Variants in FRMD4B observed in about 807,000 individuals in gnomAD.
FRMD4B encodes FERM domain containing 4B.
In FRMD4B, 74 loss-of-function variants were observed where a neutral mutation model predicts 141.5. The ratio of observed to expected loss-of-function variants is 0.52; its 90% CI spans 0.43 to 0.63. The LOEUF is 0.63. Among genes scored for constraint, FRMD4B ranks in the 30% least tolerant of loss-of-function variants. The pLI is 0.00. For synonymous variants in FRMD4B, 506 were observed against 467.9 expected, an observed-to-expected ratio of 1.08 and a Z score of -1.05; for missense variants, 1,366 against 1,253.4, an observed-to-expected ratio of 1.09 and a Z score of -1.36.
At chr3:69,432,451 T>G (rs892866272) in intron 2 of FRMD4B, among the ~76,000 whole-genome samples, 1 of 152,184 alleles carries the variant, frequency 6.6e-6, no homozygotes, top group Non-Finnish European at 1.5e-5. Flanking sequence ...TTTATTAATT[T>G]TCTTCATCAT....
chr3:69,245,095 AT>A (rs1159785122), intron 7 of FRMD4B, among the ~76,000 whole-genome samples: 3 of 152,218 alleles, frequency 2.0e-5, no homozygotes, highest in Non-Finnish European at 4.4e-5. Context: ...TGCAATATTA[AT>A]TCATTTAATC....
intron 2 of FRMD4B, among the ~76,000 whole-genome samples, chr3:69,402,886 G>A (rs769430133): frequency 4.6e-5 from 7 of 152,204 alleles, no homozygotes; most frequent in Admixed American, 2.6e-4. Flanking sequence ...ACTGGATGGA[G>A]AGTGATTGAA....
At chr3:69,419,356 C>G (rs2106802728) in intron 2 of FRMD4B, among the ~76,000 whole-genome samples, 1 of 152,332 alleles carries the variant, frequency 6.6e-6, no homozygotes. Flanking sequence ...CTCTCAGCTC[C>G]CTTTCCTCAG....
intron 7 of FRMD4B, among the ~76,000 whole-genome samples, chr3:69,225,505 A>C (rs1433087166): frequency 1.0e-3 from 124 of 119,758 alleles, no homozygotes; most frequent in Admixed American, 1.3e-3. Flanking sequence ...GAAACCCTGT[A>C]TCTACTAAAA....
chr3:69,367,749 T>G (rs1242812453), intron 1 of FRMD4B, among the ~76,000 whole-genome samples: 1 of 152,228 alleles, frequency 6.6e-6, no homozygotes, highest in Non-Finnish European at 1.5e-5. Flanking sequence ...CTTTGCTATT[T>G]GAAATATGAA....
chr3:69,207,784 G>A (rs2093037846), intron 11 of FRMD4B, among the ~76,000 whole-genome samples: 1 of 151,648 alleles, frequency 6.6e-6, no homozygotes, highest in Non-Finnish European at 1.5e-5. Context: ...CTCCAGCCTG[G>A]TGACAGAGTG....
chr3:69,342,450 A>G (rs1702770236), intron 1 of FRMD4B, among the ~76,000 whole-genome samples: 1 of 152,220 alleles, frequency 6.6e-6, no homozygotes, highest in Non-Finnish European at 1.5e-5. Flanking sequence ...TGAACATTAC[A>G]GGCCCTGAAA....
chr3:69,425,286 G>A (rs1189920769), intron 2 of FRMD4B, among the ~76,000 whole-genome samples: 4 of 152,148 alleles, frequency 2.6e-5, no homozygotes, highest in Admixed American at 1.3e-4. Context: ...CATAAGAAAC[G>A]TGCATGGAGT....
chr3:69,465,688 G>A (rs994516949), intron 1 of FRMD4B, among the ~76,000 whole-genome samples: 3 of 152,094 alleles, frequency 2.0e-5, no homozygotes, highest in African/African-American at 7.2e-5. Flanking sequence ...ATGGTTTCCA[G>A]CTTCATCCAT....
At position 69,385,975 on chromosome 3, in the gene FRMD4B, G is replaced by C; in HGVS notation, c.15C>G (p.Phe5Leu). Residue 5 changes from phenylalanine (F) to leucine (L), a missense_variant, in exon 1 of 23, where the codon TTC (phenylalanine) becomes TTG (leucine). Phe to Leu is a conservative substitution (Grantham distance 22, BLOSUM62 0). Transcript: ENST00000398540. ...ACAGCAGGTCCTCCACGCCACACAT[G>C]AACACCGAAGCCATGCCTCCTCCTT... MASV[F>L]MCGVEDLLFS... is the part of the protein sequence containing the mutation. 1.9e-6 allele frequency: 3 copies of C among 1,599,222 alleles called. No homozygotes were observed. The highest frequency in any genetic ancestry group is 2.6e-6 in the Non-Finnish European group (3 of 1,172,594).
At chr3:69,189,658 G>C (rs1228308016) in intron 18 of FRMD4B, among the ~76,000 whole-genome samples, 1 of 152,160 alleles carries the variant, frequency 6.6e-6, no homozygotes, top group Non-Finnish European at 1.5e-5. Flanking sequence ...ATACTCCCGT[G>C]AGGGCATTCT....
chr3:69,355,886 G>A (rs1233353715), intron 1 of FRMD4B, among the ~76,000 whole-genome samples: 1 of 152,134 alleles, frequency 6.6e-6, no homozygotes, highest in Non-Finnish European at 1.5e-5. Flanking sequence ...TTAGCCAGGT[G>A]TGGTGGCCGG....
intron 5 of FRMD4B, among the ~76,000 whole-genome samples, chr3:69,280,984 G>A (rs777109836): frequency 1.3e-4 from 20 of 150,808 alleles, no homozygotes; most frequent in Non-Finnish European, 1.6e-4. Context: ...ATGCTGGAGT[G>A]CGATGGTGCG....
chr3:69,466,530 T>C (rs1218091623), intron 1 of FRMD4B, among the ~76,000 whole-genome samples: 1 of 152,124 alleles, frequency 6.6e-6, no homozygotes, highest in Non-Finnish European at 1.5e-5. Flanking sequence ...TTCAAAATAA[T>C]AAGGAGGGGA....
chr3:69,203,702 G>T (rs1193500394), intron 11 of FRMD4B, among the ~76,000 whole-genome samples: 1 of 152,196 alleles, frequency 6.6e-6, no homozygotes, highest in African/African-American at 2.4e-5. Context: ...TCAGAGAGTT[G>T]TCGGAAGGGA....
chr3:69,248,071 C>T (rs756911014), intron 7 of FRMD4B, among the ~76,000 whole-genome samples: 11 of 152,100 alleles, frequency 7.2e-5, no homozygotes, highest in African/African-American at 9.6e-5. Context: ...GGATTACAGG[C>T]GTGAGCCACC....
chr3:69,246,390 G>C (rs1266964764), intron 7 of FRMD4B, among the ~76,000 whole-genome samples: 1 of 152,134 alleles, frequency 6.6e-6, no homozygotes, highest in Admixed American at 6.5e-5. Flanking sequence ...AGGAGGTGGA[G>C]GTTATAGTGA....
chr3:69,284,993 C>G (rs1700624982), intron 5 of FRMD4B, among the ~76,000 whole-genome samples: 1 of 151,950 alleles, frequency 6.6e-6, no homozygotes, highest in South Asian at 2.1e-4. Context: ...GAAACACCAT[C>G]TCTACTAAAA....
chr3:69,395,941 T>A (rs1176059052), intron 2 of FRMD4B, among the ~76,000 whole-genome samples: 1 of 152,188 alleles, frequency 6.6e-6, no homozygotes, highest in Non-Finnish European at 1.5e-5. Context: ...GGGACTAGCA[T>A]CAGAGAAATT....
Sources: gnomAD v4.1 joint callset for allele counts (sites outside exome capture counted in the v4.1 genomes callset) on GRCh38, gnomAD v4.1.1 for gene constraint, MANE v1.5 for transcripts, NCBI Gene and HGNC (gene_info 2026-07-23, HGNC 2026-07-21) for gene names.